ADAMTS3: variants seen among roughly 807,000 people sequenced by gnomAD.
ADAMTS3 encodes the protein A disintegrin and metalloproteinase with thrombospondin motifs 3.
Under a neutral mutation model 129.0 loss-of-function variants are expected in ADAMTS3, and 73 were observed. That is an observed-to-expected ratio of 0.57 (90% confidence interval 0.47 to 0.69). The LOEUF (loss-of-function observed/expected upper bound fraction) is 0.69. Among genes scored for constraint, ADAMTS3 ranks in the 30% least tolerant of loss-of-function variants. The pLI, the probability that ADAMTS3 is intolerant of heterozygous loss-of-function variation, is 0.00. For missense variants in ADAMTS3, 1,457 were observed against 1,514.5 expected, an observed-to-expected ratio of 0.96 and a Z score of 0.63; for synonymous variants, 477 against 510.8, an observed-to-expected ratio of 0.93 and a Z score of 0.89.
chr4:72,342,890 G>C (rs191444954), intron 4 of ADAMTS3, among the ~76,000 whole-genome samples: 8 of 152,248 alleles, frequency 5.3e-5, no homozygotes, highest in African/African-American at 1.9e-4. Flanking sequence ...AAAGACCCAA[G>C]GTTTGTCATC....
At chr4:72,322,650 T>C (rs1356232994) in intron 6 of ADAMTS3, among the ~76,000 whole-genome samples, 3 of 152,312 alleles carry the variant, frequency 2.0e-5, no homozygotes, top group African/African-American at 7.2e-5. Context: ...AGGCATTCAA[T>C]ATAATCCCTT....
intron 3 of ADAMTS3, among the ~76,000 whole-genome samples, chr4:72,509,332 C>CA (rs1297264055): frequency 3.9e-4 from 59 of 150,046 alleles, no homozygotes; most frequent in African/African-American, 1.4e-3. Flanking sequence ...ATCAACGAAA[C>CA]AAAAAATTGG....
intron 3 of ADAMTS3, among the ~76,000 whole-genome samples, chr4:72,468,975 G>A (rs534437545): frequency 1.5e-4 from 23 of 152,076 alleles, no homozygotes; most frequent in Non-Finnish European, 2.5e-4. Context: ...TTACTAGATG[G>A]TTGTTCATAA....
At chr4:72,373,783 G>A (rs1721070984) in intron 4 of ADAMTS3, among the ~76,000 whole-genome samples, 1 of 151,644 alleles carries the variant, frequency 6.6e-6, no homozygotes, top group Non-Finnish European at 1.5e-5. Flanking sequence ...ACCTGTCATG[G>A]CAGCTATTTG....
intron 3 of ADAMTS3, among the ~76,000 whole-genome samples, chr4:72,454,254 T>A (rs16847972): frequency 0.25 from 37,848 of 151,608 alleles, 5,100 homozygotes; most frequent in East Asian, 0.45. Context: ...GACCTTTGAC[T>A]TAAGTATTTT....
At chr4:72,471,372 CA>C (rs1489581028) in intron 3 of ADAMTS3, among the ~76,000 whole-genome samples, 3 of 151,774 alleles carry the variant, frequency 2.0e-5, no homozygotes, top group Admixed American at 6.6e-5. Context: ...CATAAAATTA[CA>C]AAAAGTGCAA....
intron 4 of ADAMTS3, among the ~76,000 whole-genome samples, chr4:72,399,847 A>G (rs189352192): frequency 1.7e-5 from 2 of 118,032 alleles, no homozygotes; most frequent in East Asian, 2.8e-4. Flanking sequence ...ATATACACAC[A>G]CGGTGTGTAT....
chr4:72,295,929 G>A, intron 18 of ADAMTS3, 143 bp from the exon 19 acceptor site: 1 of 981,162 alleles, frequency 1.0e-6, no homozygotes, highest in Non-Finnish European at 1.5e-6. Flanking sequence ...TTCAATAGGT[G>A]CTGAAGGTCC....
intron 3 of ADAMTS3, among the ~76,000 whole-genome samples, chr4:72,450,400 G>A (rs771846766): frequency 1.5e-4 from 23 of 151,688 alleles, no homozygotes; most frequent in Non-Finnish European, 2.9e-4. Context: ...ACATTCCAGT[G>A]TTTCTCAGGT....
rs1313554517 is a variant in ADAMTS3 at position 72,304,046 on chromosome 4, T to G, written c.2295A>C (p.Leu765Phe). The change falls in exon 17 of 22, where the codon TTA becomes TTC. Residue 765 changes from leucine to phenylalanine, a missense_variant. By Grantham distance (22) the Leu-to-Phe change is conservative. Coordinates refer to ENST00000286657, the MANE Select transcript of ADAMTS3 (RefSeq NM_014243.3). Reference protein sequence around the residue: ...IKNQATGHYILNGKGEEAKSR... With the variant: ...IKNQATGHYIFNGKGEEAKSR... ...ACTTGGCTTCCTCCCCTTTGCCATT[T>G]AAAATATAATGGCCTGTAGCCTGGT... The G allele has an allele frequency of 6.2e-7, 1 of 1,613,538 alleles. No homozygotes were observed. Among genetic ancestry groups the G allele is most frequent in the Non-Finnish European group, 8.5e-7 (1 of 1,179,668 alleles).
At chr4:72,501,751 T>C (rs1160169571) in intron 3 of ADAMTS3, among the ~76,000 whole-genome samples, 1 of 151,784 alleles carries the variant, frequency 6.6e-6, no homozygotes, top group African/African-American at 2.4e-5. Context: ...GGGTTGGTCA[T>C]AGACAGTTAT....
chr4:72,396,137 G>A (rs1438130917), intron 4 of ADAMTS3, among the ~76,000 whole-genome samples: 1 of 152,072 alleles, frequency 6.6e-6, no homozygotes, highest in Non-Finnish European at 1.5e-5. Context: ...AATATAAGAG[G>A]AAAGGATAAA....
At chr4:72,499,907 T>A (rs1373805691) in intron 3 of ADAMTS3, among the ~76,000 whole-genome samples, 1 of 152,126 alleles carries the variant, frequency 6.6e-6, no homozygotes, top group Non-Finnish European at 1.5e-5. Flanking sequence ...TTAATTTGTT[T>A]AGAACAATGG....
intron 4 of ADAMTS3, among the ~76,000 whole-genome samples, chr4:72,391,775 T>C (rs764597218): frequency 9.9e-5 from 15 of 151,988 alleles, no homozygotes; most frequent in Non-Finnish European, 1.9e-4. Flanking sequence ...CACAATATGG[T>C]TTCAGTGAAA....
Position 72,445,727 on chromosome 4 carries a change from A to G in ADAMTS3, c.505-30756T>C, listed in dbSNP as rs116523467. On this transcript the variant is annotated intron_variant, in intron 3 of 21. Transcript: ENST00000286657. Reference sequence around the variant, plus strand: ...ATTCAGTGTTAAACCCACCACAGAAAAACACCAAGTGCTGTCACCTTAATT... The same window carrying G: ...ATTCAGTGTTAAACCCACCACAGAAGAACACCAAGTGCTGTCACCTTAATT... Among the ~76,000 whole-genome samples the G allele has an allele frequency of 2.0e-3, 299 of 151,868 alleles. 3 individuals carry two copies. Among genetic ancestry groups the G allele is most frequent in the African/African-American group, 6.9e-3 (287 of 41,526 alleles).
chr4:72,489,288 G>T (rs1489373997), intron 3 of ADAMTS3, among the ~76,000 whole-genome samples: 1 of 151,878 alleles, frequency 6.6e-6, no homozygotes, highest in African/African-American at 2.4e-5. Context: ...CCCTTTATCT[G>T]CAGTGTTGCT....
At chr4:72,326,274 A>C (rs926726666) in intron 5 of ADAMTS3, among the ~76,000 whole-genome samples, 3 of 152,160 alleles carry the variant, frequency 2.0e-5, no homozygotes, top group Non-Finnish European at 2.9e-5. Flanking sequence ...TCTGTACTGT[A>C]CAAAGCACTG....
intron 3 of ADAMTS3, among the ~76,000 whole-genome samples, chr4:72,427,712 C>T (rs544578746): frequency 5.0e-4 from 76 of 152,116 alleles, no homozygotes; most frequent in African/African-American, 1.7e-3. Context: ...AGAGGGTTGG[C>T]AAAATGGAAG....
chr4:72,281,089 T>C lies in ADAMTS3; in HGVS notation c.*2047A>G, dbSNP rs1718328598. On this transcript the variant is annotated 3_prime_UTR_variant, in exon 22 of 22. Coordinates refer to ENST00000286657, the MANE Select transcript of ADAMTS3 (RefSeq NM_014243.3). ...GAAAAGAAAGCCCAAAGGTCAGAAG[T>C]ATAATGAATATGTACATCTTTATGG... The C allele has an allele frequency of 6.6e-6, 1 of 152,542 alleles. No individual in the cohort carries two copies. Among genetic ancestry groups the C allele is most frequent in the African/African-American group, 2.4e-5 (1 of 41,432 alleles). 9.4% of individuals were successfully genotyped at this position (152,542 alleles called of 1,614,324 possible).
Sources: gnomAD v4.1 joint callset for allele counts (sites outside exome capture counted in the v4.1 genomes callset) on GRCh38, gnomAD v4.1.1 for gene constraint, MANE v1.5 for transcripts, NCBI Gene and HGNC (gene_info 2026-07-23, HGNC 2026-07-21) for gene names.